ADGB: variants seen among roughly 807,000 people sequenced by gnomAD.
ADGB encodes the protein calpain-7-like protein.
In ADGB, 172 loss-of-function variants were observed where a neutral mutation model predicts 210.5. The observed-to-expected ratio is 0.82, with a 90% CI of 0.72 to 0.93. The LOEUF (loss-of-function observed/expected upper bound fraction) is 0.93, where lower values mean the gene tolerates loss of function less well. ADGB is among the 40% of genes least tolerant of loss of function. The pLI, the probability that ADGB is intolerant of heterozygous loss-of-function variation, is 0.00. For synonymous variants in ADGB, 658 were observed against 662.7 expected, an observed-to-expected ratio of 0.99 and a Z score of 0.11; for missense variants, 2,025 against 1,964.8, an observed-to-expected ratio of 1.03 and a Z score of -0.58.
intron 1 of ADGB, among the ~76,000 whole-genome samples, chr6:146,614,203 T>TCCTC (rs1328409240): frequency 1.1e-5 from 1 of 92,896 alleles, no homozygotes; most frequent in Non-Finnish European, 2.2e-5. Context: ...CTCCCTCCCT[T>TCCTC]CCTCCCTTCC....
At chr6:146,746,210 T>G in intron 26 of ADGB, 101 bp downstream of exon 26, 1 of 846,716 alleles carries the variant, frequency 1.2e-6, no homozygotes, top group East Asian at 2.7e-5. Flanking sequence ...GGTTTTGAAT[T>G]TCAAATTCCA....
Position 146,676,382 on chromosome 6 carries a change from C to G in ADGB, c.1157C>G (p.Ser386Ter). 1 of 1,548,860 alleles carries G rather than the reference C, an allele frequency of 6.5e-7. No individual in the cohort carries two copies. The highest frequency in any genetic ancestry group is 8.7e-7 in the Non-Finnish European group (1 of 1,145,208). The change falls in exon 9 of 36, where the codon TCA becomes TGA. Residue 386 changes from serine (S) to a stop codon, truncating the protein, a stop_gained. Coordinates refer to ENST00000397944, the MANE Select transcript of ADGB (RefSeq NM_024694.4). LOFTEE classifies it high-confidence loss of function. The part of the protein sequence containing the change: ...KDGEKEKFKF[S>*]LHGSRPSSEV... Reference sequence around the variant, plus strand: ...GGAGAAAAAGAAAAATTCAAATTCTCACTTCATGGTTCAAGACCCTCATCA... The same window carrying G: ...GGAGAAAAAGAAAAATTCAAATTCTGACTTCATGGTTCAAGACCCTCATCA...
intron 9 of ADGB, among the ~76,000 whole-genome samples, chr6:146,681,560 G>C (rs934645262): frequency 6.6e-6 from 1 of 152,086 alleles, no homozygotes; most frequent in African/African-American, 2.4e-5. Flanking sequence ...CTTTGTTGCA[G>C]CTATCTTCAA....
chr6:146,778,105 A>G (rs1777746943), intron 29 of ADGB, among the ~76,000 whole-genome samples: 1 of 152,226 alleles, frequency 6.6e-6, no homozygotes, highest in African/African-American at 2.4e-5. Flanking sequence ...AGATTGGCTT[A>G]TCTAAAGTGG....
At chr6:146,734,977 T>G (rs761733628) in intron 22 of ADGB, among the ~76,000 whole-genome samples, 6 of 152,054 alleles carry the variant, frequency 3.9e-5, no homozygotes, top group Non-Finnish European at 7.4e-5. Flanking sequence ...TTTGCTGACA[T>G]TTTGATAGGA....
intron 20 of ADGB, among the ~76,000 whole-genome samples, chr6:146,729,225 A>G (rs1056676253): frequency 7.2e-5 from 11 of 152,158 alleles, no homozygotes; most frequent in African/African-American, 2.4e-4. Context: ...GCACATATGG[A>G]CCTGTCCACT....
chr6:146,664,446 C>T, intron 6 of ADGB, 106 bp downstream of exon 6: 2 of 1,188,958 alleles, frequency 1.7e-6, no homozygotes, highest in Non-Finnish European at 2.3e-6. Flanking sequence ...TAAAAGACAG[C>T]TTTTTCCCCT....
chr6:146,621,473 C>T (rs1191600308), intron 1 of ADGB, among the ~76,000 whole-genome samples: 1 of 152,112 alleles, frequency 6.6e-6, no homozygotes, highest in Admixed American at 6.6e-5. Context: ...GATTGACCGT[C>T]CACCTCTCAT....
At chr6:146,694,448 T>A (rs1583593600) in intron 12 of ADGB, among the ~76,000 whole-genome samples, 1 of 152,048 alleles carries the variant, frequency 6.6e-6, no homozygotes, top group East Asian at 1.9e-4. Flanking sequence ...GCAGGTTGAG[T>A]CACCTCCCAA....
At chr6:146,607,921 G>T (rs1780654370) in intron 1 of ADGB, among the ~76,000 whole-genome samples, 1 of 152,146 alleles carries the variant, frequency 6.6e-6, no homozygotes, top group African/African-American at 2.4e-5. Flanking sequence ...CTCATAGAAT[G>T]AGATAGGGAG....
intron 4 of ADGB, among the ~76,000 whole-genome samples, chr6:146,654,796 TTG>T (rs1388119074): frequency 4.6e-5 from 7 of 152,104 alleles, no homozygotes; most frequent in Admixed American, 4.6e-4. Context: ...GTGTGTGTTA[TTG>T]TGTGTGTGTA....
chr6:146,606,056 A>C (rs914058463), intron 1 of ADGB, among the ~76,000 whole-genome samples: 7 of 152,154 alleles, frequency 4.6e-5, no homozygotes, highest in Admixed American at 3.9e-4. Flanking sequence ...ATGTATAAGC[A>C]TCCTCTTTTC....
intron 5 of ADGB, among the ~76,000 whole-genome samples, chr6:146,661,940 C>G (rs1041232688): frequency 1.3e-5 from 2 of 152,046 alleles, no homozygotes; most frequent in African/African-American, 4.8e-5. Context: ...AATTTTCCAG[C>G]CTTCCAGAAT....
At chr6:146,791,643 C>A (rs1013623283) in intron 33 of ADGB, among the ~76,000 whole-genome samples, 3 of 152,116 alleles carry the variant, frequency 2.0e-5, no homozygotes, top group Non-Finnish European at 4.4e-5. Context: ...CTGGCCTAAG[C>A]TGATTCTTAT....
At chr6:146,723,795 A>G (rs967463724) in intron 17 of ADGB, among the ~76,000 whole-genome samples, 18 of 152,146 alleles carry the variant, frequency 1.2e-4, no homozygotes, top group African/African-American at 3.9e-4. Flanking sequence ...TTTTTACACT[A>G]TTTTAGAGAA....
intron 17 of ADGB, among the ~76,000 whole-genome samples, chr6:146,722,393 C>G (rs561493066): frequency 1.3e-5 from 2 of 152,158 alleles, no homozygotes; most frequent in Non-Finnish European, 1.5e-5. Flanking sequence ...AGCCTCCACA[C>G]ATTTGCTCTT....
At chr6:146,752,816 A>G (rs1777343376) in intron 27 of ADGB, 102 bp downstream of exon 27, 2 of 1,119,658 alleles carry the variant, frequency 1.8e-6, no homozygotes, top group Admixed American at 6.3e-5. Context: ...AACCACTTAA[A>G]TTATGAAACT....
rs1227118245 is a variant in ADGB at position 146,691,181 on chromosome 6, G to A, written c.1377G>A (p.Val459=). The change falls in exon 11 of 36, where the codon GTG becomes GTA. Residue 459 remains valine, a synonymous_variant. Transcript: ENST00000397944. The part of the protein sequence containing the change: ...LSHICSHPVL[V]TRSRSCPLVA... Reference sequence around the variant, plus strand: ...ACATCTGTAGCCATCCTGTGCTGGTGACTAGAAGTAGGTCTTGTCCTCTGG... The same window carrying A: ...ACATCTGTAGCCATCCTGTGCTGGTAACTAGAAGTAGGTCTTGTCCTCTGG... The A allele has an allele frequency of 1.3e-6, 2 of 1,549,634 alleles. No homozygotes were observed. The highest frequency in any genetic ancestry group is 1.2e-5 in the South Asian group (1 of 83,932).
chr6:146,800,832 G>C (rs1265016154), intron 33 of ADGB, among the ~76,000 whole-genome samples: 2 of 152,032 alleles, frequency 1.3e-5, no homozygotes, highest in Non-Finnish European at 2.9e-5. Flanking sequence ...TTAAATACTG[G>C]GCCATTTAAC....
Sources: allele counts gnomAD v4.1 joint callset (sites outside exome capture counted in the v4.1 genomes callset), GRCh38; gene constraint gnomAD v4.1.1; transcripts MANE v1.5; gene names NCBI Gene and HGNC (gene_info 2026-07-23, HGNC 2026-07-21).